CAMTA1: variants seen among roughly 807,000 people sequenced by gnomAD.
CAMTA1 encodes calmodulin binding transcription activator 1, also known as calmodulin-binding transcription activator 1.
A neutral mutation model predicts 170.9 loss-of-function variants in CAMTA1; 27 were observed. The observed-to-expected ratio is 0.16, with a 90% CI of 0.12 to 0.22. CAMTA1 has a LOEUF of 0.22. Ranked by LOEUF, CAMTA1 falls within the 10% of genes least tolerant of loss-of-function variation. The probability of loss-of-function intolerance (pLI) is 1.00; values close to 1 mark genes in which losing one functional copy is unlikely to be tolerated. For synonymous variants in CAMTA1, 833 were observed against 891.5 expected (o/e 0.93, Z 1.17); for missense variants, 1,619 against 2,217.2 (o/e 0.73, Z 5.42).
chr1:7,185,591 G>A (rs1255941837), intron 4 of CAMTA1, among the ~76,000 whole-genome samples: 1 of 152,114 alleles, frequency 6.6e-6, no homozygotes, highest in Non-Finnish European at 1.5e-5. Context: ...ATTTCAAAGG[G>A]GGAATTACAA....
intron 5 of CAMTA1, among the ~76,000 whole-genome samples, chr1:7,422,036 T>A (rs909463497): frequency 6.6e-6 from 1 of 151,888 alleles, no homozygotes; most frequent in Non-Finnish European, 1.5e-5. Flanking sequence ...CTGGAGATAT[T>A]TACAATCAGC....
intron 4 of CAMTA1, among the ~76,000 whole-genome samples, chr1:7,109,601 C>G (rs1463861762): frequency 6.6e-6 from 1 of 152,196 alleles, no homozygotes; most frequent in Non-Finnish European, 1.5e-5. Context: ...ACAGACACGA[C>G]TCATTGATCA....
At chr1:7,447,053 G>A (rs933969442) in intron 5 of CAMTA1, among the ~76,000 whole-genome samples, 11 of 152,108 alleles carry the variant, frequency 7.2e-5, no homozygotes, top group East Asian at 3.9e-4. Flanking sequence ...AGACCGTCCC[G>A]TGCACTGGAG....
Position 6,921,483 on chromosome 1 carries a change from C to T in CAMTA1, c.234+96273C>T, listed in dbSNP as rs546206254. ...GCCCTCCAAACTGTTCCAGCCTCTG[C>T]CTGTTACCCAGTTCCAAAGTCACTT... On this transcript the variant is annotated intron_variant, in intron 3 of 22. Transcript: ENST00000303635. 2.6e-5 allele frequency among the ~76,000 whole-genome samples: 4 copies of T among 152,362 alleles called. No homozygotes were observed. In the East Asian group the frequency reaches 7.7e-4, roughly 29 times the overall value.
rs1460713257 is a variant in CAMTA1 at position 7,251,188 on chromosome 1, G to A, written c.438+1562G>A. On this transcript the variant is annotated intron_variant, in intron 5 of 22. Transcript: ENST00000303635. The surrounding 1 kb of genome is among the most constrained non-coding windows in gnomAD (Gnocchi z 5.1). ...ATACGTACATCAGGAACTTCTGCTC[G>A]TGAGTAACAGCCGGGTGGAATTCTT... Among the ~76,000 whole-genome samples the A allele has an allele frequency of 2.0e-5, 3 of 152,162 alleles. No individual in the cohort carries two copies. The highest frequency in any genetic ancestry group is 6.5e-5 in the Admixed American group (1 of 15,280).
chr1:7,382,729 G>C (rs2087475174), intron 5 of CAMTA1: 1 of 152,122 alleles, frequency 6.6e-6, no homozygotes, highest in Non-Finnish European at 1.5e-5. Flanking sequence ...CCCTCCTGCA[G>C]GCAAAAGAAT....
chr1:7,081,745 C>T (rs2148028788), intron 3 of CAMTA1, among the ~76,000 whole-genome samples: 1 of 152,330 alleles, frequency 6.6e-6, no homozygotes. Context: ...CTTCTCAGCG[C>T]CAAGCAGTGG....
At chr1:6,847,509 G>A (rs1011382306) in intron 3 of CAMTA1, among the ~76,000 whole-genome samples, 1 of 151,830 alleles carries the variant, frequency 6.6e-6, no homozygotes, top group Non-Finnish European at 1.5e-5. Context: ...CTAGATCATA[G>A]AAGGCTATGT....
rs757171632 is a variant in CAMTA1, at chr1:7,674,621, A to G, written c.2780-2978A>G. ...TGGTGAAACCCCGTCTCTACTAAAA[A>G]TACAAAAATTAGCTGGGCGTGGTGG... On this transcript the variant is annotated intron_variant, in intron 10 of 22. Coordinates refer to ENST00000303635, the MANE Select transcript of CAMTA1 (RefSeq NM_015215.4). This position sits in a 1 kb window ranked among gnomAD's most constrained non-coding sequence, Gnocchi z 4.1. Among the ~76,000 whole-genome samples the G allele has an allele frequency of 3.3e-5, 5 of 152,154 alleles. No homozygotes were observed. Among genetic ancestry groups the G allele is most frequent in the Admixed American group, 1.3e-4 (2 of 15,272 alleles).
intron 3 of CAMTA1, among the ~76,000 whole-genome samples, chr1:7,072,323 A>G (rs1039156579): frequency 2.6e-5 from 4 of 152,172 alleles, no homozygotes; most frequent in African/African-American, 9.7e-5. Context: ...GCAGGGGAGT[A>G]TGGATGCGAG....
chr1:6,794,511 C>A (rs1048521952), intron 1 of CAMTA1, among the ~76,000 whole-genome samples: 1 of 152,052 alleles, frequency 6.6e-6, no homozygotes, highest in Non-Finnish European at 1.5e-5. Context: ...TAAAAAAAAT[C>A]CATTTTGGGT....
intron 4 of CAMTA1, among the ~76,000 whole-genome samples, chr1:7,178,690 A>G (rs920594443): frequency 6.6e-6 from 1 of 152,128 alleles, no homozygotes; most frequent in Non-Finnish European, 1.5e-5. Flanking sequence ...GGTTCCGTAA[A>G]GAGCTAGAGG....
At chr1:6,794,941 C>G (rs1395369647) in intron 1 of CAMTA1, among the ~76,000 whole-genome samples, 2 of 143,388 alleles carry the variant, frequency 1.4e-5, no homozygotes, top group African/African-American at 5.2e-5. Context: ...CATAAAAATT[C>G]AGGAGCTTTC....
intron 11 of CAMTA1, among the ~76,000 whole-genome samples, chr1:7,715,052 C>G (rs2096598555): frequency 1.3e-5 from 2 of 152,116 alleles, no homozygotes; most frequent in Non-Finnish European, 2.9e-5. Flanking sequence ...TTATTCTTGT[C>G]TGTAACATCA....
chr1:7,309,794 C>T (rs921284916), intron 5 of CAMTA1, among the ~76,000 whole-genome samples: 12 of 151,988 alleles, frequency 7.9e-5, no homozygotes. Context: ...ACATTTACCA[C>T]TTCAAGTGGA....
chr1:7,732,041 C>G lies in CAMTA1; in HGVS notation c.2915-407C>G, dbSNP rs973388769. ...CTTTTTTTTTTTTTGTCTAACATACCTTCCTTTCTTGCTGTGATTGCTTTC... is the reference window on the plus strand; with the variant it reads ...CTTTTTTTTTTTTTGTCTAACATACGTTCCTTTCTTGCTGTGATTGCTTTC... On this transcript the variant is annotated intron_variant, in intron 11 of 22. Coordinates refer to ENST00000303635, the MANE Select transcript of CAMTA1 (RefSeq NM_015215.4). This position sits in a 1 kb window ranked among gnomAD's most constrained non-coding sequence, Gnocchi z 4.1. 1.3e-5 allele frequency among the ~76,000 whole-genome samples: 2 copies of G among 148,300 alleles called. No homozygotes were observed. The highest frequency in any genetic ancestry group is 1.3e-4 in the Admixed American group (2 of 14,868).
At chr1:6,990,813 A>C (rs1422021445) in intron 3 of CAMTA1, among the ~76,000 whole-genome samples, 22 of 150,402 alleles carry the variant, frequency 1.5e-4, no homozygotes, top group East Asian at 7.8e-4. Context: ...CTCTATATAT[A>C]TATATATTTA....
chr1:7,598,400 G>T (rs953464090), intron 6 of CAMTA1, among the ~76,000 whole-genome samples: 6 of 152,178 alleles, frequency 3.9e-5, no homozygotes, highest in Non-Finnish European at 8.8e-5. Flanking sequence ...AAACATATGT[G>T]TGCATGTGTC....
At chr1:7,288,225 G>A (rs780068791) in intron 5 of CAMTA1, among the ~76,000 whole-genome samples, 21 of 152,336 alleles carry the variant, frequency 1.4e-4, no homozygotes, top group Non-Finnish European at 1.0e-4. Flanking sequence ...GCTGGGCACC[G>A]TGGGGGTATG....
Sources: allele counts gnomAD v4.1 joint callset (sites outside exome capture counted in the v4.1 genomes callset), GRCh38; gene constraint gnomAD v4.1.1; non-coding constraint Gnocchi (gnomAD v3.1); transcripts MANE v1.5; gene names NCBI Gene and HGNC (gene_info 2026-07-23, HGNC 2026-07-21).